MYT1L: variants seen among roughly 807,000 people sequenced by gnomAD.
MYT1L encodes the protein myelin transcription factor 1-like protein.
A neutral mutation model predicts 126.7 loss-of-function variants in MYT1L; 12 were observed. That is an observed-to-expected ratio of 0.09 (90% CI 0.06 to 0.15). The LOEUF is 0.15. Among genes scored for constraint, MYT1L ranks in the 10% least tolerant of loss-of-function variants. The pLI, the probability that MYT1L is intolerant of heterozygous loss-of-function variation, is 1.00. For synonymous variants in MYT1L, 541 were observed against 604.2 expected (o/e 0.90, Z 1.53); for missense variants, 979 against 1,585.2 (o/e 0.62, Z 6.49).
At chr2:2,087,378 T>C (rs2076465382) in intron 3 of MYT1L, among the ~76,000 whole-genome samples, 1 of 152,190 alleles carries the variant, frequency 6.6e-6, no homozygotes, top group East Asian at 1.9e-4. Context: ...AAATTTCTTA[T>C]CACTGGAGAA....
intron 18 of MYT1L, among the ~76,000 whole-genome samples, chr2:1,853,810 T>C (rs1360805765): frequency 6.6e-6 from 1 of 152,182 alleles, no homozygotes; most frequent in Non-Finnish European, 1.5e-5. Context: ...AAGTTGACTC[T>C]TCTGCTCAAA....
Position 1,889,422 on chromosome 2 carries a change from T to C in MYT1L, c.2339A>G (p.Gln780Arg). ...NGTLDLSMNK[Q>R]RPRDSCCPIL... Reference sequence around the variant, plus strand: ...GGGGCAGCAGCTGTCCCGCGGCCTCTGCTTGTTCATGCTGAGGTCCAGGGT... The same window carrying C: ...GGGGCAGCAGCTGTCCCGCGGCCTCCGCTTGTTCATGCTGAGGTCCAGGGT... Residue 780 changes from glutamine (Q) to arginine (R), a missense_variant, in exon 16 of 25, where the codon CAG becomes CGG. Transcript: ENST00000647738. The surrounding 1 kb of genome is among the most constrained non-coding windows in gnomAD (Gnocchi z 4.1). 6.2e-7 allele frequency: 1 copy of C among 1,613,556 alleles called. No individual in the cohort carries two copies. Among genetic ancestry groups the C allele is most frequent in the South Asian group, 1.1e-5 (1 of 91,042 alleles).
Position 1,922,382 on chromosome 2 carries a change from T to A in MYT1L, c.1387A>T (p.Arg463Trp), listed in dbSNP as rs2149104373. Residue 463 changes from arginine (R) to tryptophan (W), a missense_variant, in exon 10 of 25, where the codon AGG becomes TGG. Transcript: ENST00000647738. The surrounding 1 kb of genome is among the most constrained non-coding windows in gnomAD (Gnocchi z 7.4). The part of the protein sequence containing the change: ...AMEAGRRDNM[R>W]SYEDQSPRQL... ...CTCGGAGACTGGTCCTCATATGACC[T>A]CATATTGTCCCTCCTCCCAGCTTCC... The A allele has an allele frequency of 1.9e-6, 3 of 1,614,004 alleles. No individual in the cohort carries two copies. Among genetic ancestry groups the A allele is most frequent in the Non-Finnish European group, 2.5e-6 (3 of 1,179,900 alleles).
chr2:2,113,559 T>C (rs988343698), intron 3 of MYT1L, among the ~76,000 whole-genome samples: 4 of 152,170 alleles, frequency 2.6e-5, no homozygotes, highest in Non-Finnish European at 4.4e-5. Flanking sequence ...GCCTGGTCCA[T>C]CTCACTCTCC....
chr2:2,199,137 G>T (rs1328780479), intron 2 of MYT1L, among the ~76,000 whole-genome samples: 2 of 152,110 alleles, frequency 1.3e-5, no homozygotes, highest in Non-Finnish European at 2.9e-5. Context: ...TTCAGAAGTG[G>T]GAGAAGAACA....
At chr2:2,007,584 G>A (rs899982108) in intron 4 of MYT1L, among the ~76,000 whole-genome samples, 11 of 152,144 alleles carry the variant, frequency 7.2e-5, no homozygotes, top group East Asian at 1.9e-4. Flanking sequence ...TATCTGCTTC[G>A]GAACAAAGGG....
At chr2:2,305,658 C>T (rs143859594) in intron 1 of MYT1L, among the ~76,000 whole-genome samples, 1 of 152,272 alleles carries the variant, frequency 6.6e-6, no homozygotes, top group East Asian at 1.9e-4. Flanking sequence ...CACAGCTCCA[C>T]AGGCTGTACA....
chr2:2,080,697 G>A (rs2075726627), intron 3 of MYT1L, among the ~76,000 whole-genome samples: 1 of 152,082 alleles, frequency 6.6e-6, no homozygotes, highest in Non-Finnish European at 1.5e-5. Context: ...AGAAAAGAAA[G>A]GAACAAATGT....
intron 1 of MYT1L, among the ~76,000 whole-genome samples, chr2:2,322,527 A>G (rs1254340911): frequency 6.6e-6 from 1 of 152,050 alleles, no homozygotes; most frequent in Non-Finnish European, 1.5e-5. Flanking sequence ...GCCTGAGAAC[A>G]AATGTGACGG....
At chr2:2,162,808 T>C (rs1162248166) in intron 3 of MYT1L, among the ~76,000 whole-genome samples, 8 of 152,206 alleles carry the variant, frequency 5.3e-5, no homozygotes, top group Admixed American at 5.2e-4. Context: ...TTCCAACTCA[T>C]TCGGATCCTG....
intron 21 of MYT1L, among the ~76,000 whole-genome samples, chr2:1,814,389 G>C (rs1166476711): frequency 2.6e-5 from 4 of 152,326 alleles, no homozygotes; most frequent in Admixed American, 1.3e-4. Flanking sequence ...GCAGCCTCCC[G>C]GGACGTGGAC....
chr2:1,912,102 T>C lies in MYT1L; in HGVS notation c.1627A>G (p.Met543Val). 6.3e-7 allele frequency: 1 copy of C among 1,577,904 alleles called. No homozygotes were observed. Among genetic ancestry groups the C allele is most frequent in the Non-Finnish European group, 8.7e-7 (1 of 1,154,480 alleles). ...KDRVPPEILA[M>V]HESVLKCPTP... ...GGGCACTTGAGGACACTTTCATGCA[T>C]GGCAAGGACTTGACAGGGAGAGGCA... is the stretch of plus-strand genomic sequence containing the variant. The change falls in exon 12 of 25, where the codon ATG (methionine) becomes GTG (valine). Residue 543 changes from methionine (M) to valine (V), a missense_variant. Met to Val is a conservative substitution (Grantham distance 21, BLOSUM62 1). Coordinates refer to ENST00000647738, the MANE Select transcript of MYT1L (RefSeq NM_001303052.2). This position sits in a 1 kb window ranked among gnomAD's most constrained non-coding sequence, Gnocchi z 4.3.
chr2:2,021,927 G>A (rs2065077415), intron 4 of MYT1L, among the ~76,000 whole-genome samples: 1 of 152,136 alleles, frequency 6.6e-6, no homozygotes, highest in Non-Finnish European at 1.5e-5. Flanking sequence ...TAAGTTTACT[G>A]AGATGCCACT....
At chr2:2,030,277 T>C (rs754864786) in intron 4 of MYT1L, among the ~76,000 whole-genome samples, 1 of 152,084 alleles carries the variant, frequency 6.6e-6, no homozygotes, top group African/African-American at 2.4e-5. Flanking sequence ...TTTTGTATTT[T>C]TAATAGAGAC....
Position 1,934,261 on chromosome 2 carries a change from C to CCG in MYT1L, c.505+8720_505+8721insCG, listed in dbSNP as rs2055488146. 2.8e-5 allele frequency among the ~76,000 whole-genome samples: 4 copies of CCG among 144,010 alleles called. 1 individual carries two copies. The highest frequency in any genetic ancestry group is 3.0e-5 in the Non-Finnish European group (2 of 65,756). 94.5% of individuals were successfully genotyped at this position (144,010 alleles called of 152,430 possible). ...GTGCTGGGATTACAGGCGTGGGCCA[C>CCG]AGCCCCCCGCCTGATTTTGATTTTT... On this transcript the variant is annotated intron_variant, in intron 9 of 24. Coordinates refer to ENST00000647738, the MANE Select transcript of MYT1L (RefSeq NM_001303052.2).
Position 1,978,970 on chromosome 2 carries a change from C to T in MYT1L, c.152+195G>A, listed in dbSNP as rs1380924079. The stretch of plus-strand genomic sequence containing the variant: ...ATCCTAAGGAGTGTCACCTATTCTG[C>T]CCACGAGATCGAACGGCTTATGTTT... On this transcript the variant is annotated intron_variant, in intron 8 of 24. Coordinates refer to ENST00000647738, the MANE Select transcript of MYT1L (RefSeq NM_001303052.2). Among the ~76,000 whole-genome samples the T allele has an allele frequency of 3.3e-5, 5 of 152,122 alleles. No homozygotes were observed. The East Asian group carries it at 9.7e-4, about 30-fold the overall frequency.
intron 3 of MYT1L, among the ~76,000 whole-genome samples, chr2:2,132,038 A>G (rs2082431649): frequency 6.6e-6 from 1 of 150,424 alleles, no homozygotes; most frequent in African/African-American, 2.5e-5. Flanking sequence ...CCTCCGGAGT[A>G]GCTGGGATTA....
intron 3 of MYT1L, among the ~76,000 whole-genome samples, chr2:2,113,788 G>C (rs2079825339): frequency 6.6e-6 from 1 of 152,132 alleles, no homozygotes; most frequent in South Asian, 2.1e-4. Flanking sequence ...TAGGAAAATA[G>C]TTATGAAAAT....
At chr2:1,927,371 T>A (rs981585578) in intron 9 of MYT1L, among the ~76,000 whole-genome samples, 4 of 152,250 alleles carry the variant, frequency 2.6e-5, no homozygotes, top group Admixed American at 6.5e-5. Context: ...GTCAGATTGT[T>A]ATAAACAATT....
Sources: gnomAD v4.1 joint callset for allele counts (sites outside exome capture counted in the v4.1 genomes callset) on GRCh38, gnomAD v4.1.1 for gene constraint, Gnocchi (gnomAD v3.1) non-coding constraint, MANE v1.5 for transcripts, NCBI Gene and HGNC (gene_info 2026-07-23, HGNC 2026-07-21) for gene names.